The following PDE7B variants were observed in gnomAD, a reference collection of about 807,000 sequenced individuals.
The protein encoded by PDE7B is 3',5'-cyclic-AMP phosphodiesterase 7B.
PDE7B carries 29 observed loss-of-function variants against 56.2 expected under a neutral mutation model. That is an observed-to-expected ratio of 0.52 (90% confidence interval 0.38 to 0.70). The LOEUF (loss-of-function observed/expected upper bound fraction) is 0.70, where lower values mean the gene tolerates loss of function less well. PDE7B is among the 30% of genes least tolerant of loss of function. PDE7B has a pLI of 0.00. For missense variants in PDE7B, 490 were observed against 565.0 expected, an observed-to-expected ratio of 0.87 and a Z score of 1.35; for synonymous variants, 197 against 196.9, an observed-to-expected ratio of 1.00 and a Z score of 0.00.
chr6:136,065,106 C>T (rs1437376111), intron 2 of PDE7B, among the ~76,000 whole-genome samples: 1 of 152,176 alleles, frequency 6.6e-6, no homozygotes, highest in Non-Finnish European at 1.5e-5. Flanking sequence ...TTGAACCTCT[C>T]TGGGACTAGC....
At chr6:136,031,932 C>G (rs9402787) in intron 2 of PDE7B, among the ~76,000 whole-genome samples, 50,739 of 152,002 alleles carry the variant, frequency 0.33, 8,828 homozygotes, top group Admixed American at 0.43. Context: ...CTCTCCTCCA[C>G]TCTCCCTGAG....
At chr6:136,096,988 T>G (rs1332408357) in intron 2 of PDE7B, among the ~76,000 whole-genome samples, 1 of 152,158 alleles carries the variant, frequency 6.6e-6, no homozygotes, top group Non-Finnish European at 1.5e-5. Context: ...AACCTCTCCC[T>G]TGCTCTTGAA....
chr6:136,130,963 A>G (rs1285133024), intron 3 of PDE7B, among the ~76,000 whole-genome samples: 1 of 152,090 alleles, frequency 6.6e-6, no homozygotes, highest in African/African-American at 2.4e-5. Context: ...TGATTCAATT[A>G]TCTCCCACCG....
At chr6:135,971,778 C>T (rs1190997133) in intron 2 of PDE7B, among the ~76,000 whole-genome samples, 1 of 152,170 alleles carries the variant, frequency 6.6e-6, no homozygotes, top group Non-Finnish European at 1.5e-5. Flanking sequence ...CACCTATCCA[C>T]CAGGCTGCTG....
intron 2 of PDE7B, among the ~76,000 whole-genome samples, chr6:135,953,653 T>C (rs1774739723): frequency 6.6e-6 from 1 of 152,186 alleles, no homozygotes. Context: ...AGTAGTATTT[T>C]TATAGCAAAC....
At chr6:136,039,964 T>C (rs1232396986) in intron 2 of PDE7B, among the ~76,000 whole-genome samples, 1 of 152,258 alleles carries the variant, frequency 6.6e-6, no homozygotes, top group Non-Finnish European at 1.5e-5. Flanking sequence ...TCAATAGTTG[T>C]TAGCATGTCT....
chr6:136,169,757 A>G (rs543188731), intron 8 of PDE7B, among the ~76,000 whole-genome samples: 3 of 152,204 alleles, frequency 2.0e-5, no homozygotes, highest in Non-Finnish European at 4.4e-5. Context: ...AAATCTTTTC[A>G]ATCAAAACAA....
chr6:136,046,664 A>C (rs1020889048), intron 2 of PDE7B, among the ~76,000 whole-genome samples: 1 of 152,162 alleles, frequency 6.6e-6, no homozygotes, highest in African/African-American at 2.4e-5. Flanking sequence ...AGACTTTGCA[A>C]CTGTCTCTTT....
At chr6:135,951,025 A>C (rs1340329510) in intron 2 of PDE7B, among the ~76,000 whole-genome samples, 1 of 152,164 alleles carries the variant, frequency 6.6e-6, no homozygotes, top group African/African-American at 2.4e-5. Flanking sequence ...GTTGGATATG[A>C]AGGTAAATAC....
At chr6:136,102,427 T>A (rs1777578212) in intron 2 of PDE7B, among the ~76,000 whole-genome samples, 1 of 152,194 alleles carries the variant, frequency 6.6e-6, no homozygotes, top group African/African-American at 2.4e-5. Context: ...CGAACTTTGC[T>A]TGGTGGAAAT....
intron 2 of PDE7B, among the ~76,000 whole-genome samples, chr6:136,032,557 A>T (rs1052512165): frequency 6.6e-6 from 1 of 152,162 alleles, no homozygotes; most frequent in African/African-American, 2.4e-5. Flanking sequence ...CTTCTGCCAC[A>T]GGTCACTCCC....
At chr6:136,111,935 A>AT (rs889277000) in intron 3 of PDE7B, among the ~76,000 whole-genome samples, 3 of 152,032 alleles carry the variant, frequency 2.0e-5, no homozygotes, top group Non-Finnish European at 4.4e-5. Flanking sequence ...CTAATCTAGG[A>AT]TTTTTTTAAA....
chr6:136,185,265 G>A, intron 11 of PDE7B, among the ~76,000 whole-genome samples: 1 of 152,118 alleles, frequency 6.6e-6, no homozygotes. Context: ...CAGAACTGCA[G>A]CCTCTGTAGG....
chr6:136,185,698 A>T (rs1238327117), intron 11 of PDE7B, among the ~76,000 whole-genome samples: 1 of 152,092 alleles, frequency 6.6e-6, no homozygotes, highest in Non-Finnish European at 1.5e-5. Flanking sequence ...TCAAGCGTTC[A>T]AGGGTGCAGT....
chr6:136,146,230 T>C (rs1778410770), intron 3 of PDE7B, among the ~76,000 whole-genome samples: 1 of 152,220 alleles, frequency 6.6e-6, no homozygotes, highest in Non-Finnish European at 1.5e-5. Flanking sequence ...GTACATTTCC[T>C]ACTAGACTGT....
chr6:136,112,381 G>A (rs1450557300), intron 3 of PDE7B: 1 of 152,096 alleles, frequency 6.6e-6, no homozygotes, highest in African/African-American at 2.4e-5. Flanking sequence ...ATATTGCTAT[G>A]CCCATTTGTT....
intron 2 of PDE7B, among the ~76,000 whole-genome samples, chr6:136,077,137 G>T (rs1246526248): frequency 6.6e-6 from 1 of 152,030 alleles, no homozygotes; most frequent in East Asian, 1.9e-4. Flanking sequence ...GGAAGAGAGA[G>T]CATCTAGCAC....
chr6:135,939,039 G>A (rs779614869), intron 1 of PDE7B, among the ~76,000 whole-genome samples: 2 of 152,302 alleles, frequency 1.3e-5, no homozygotes, highest in South Asian at 2.1e-4. Flanking sequence ...GAAAGCATAC[G>A]CCATTGAGCT....
chr6:136,002,338 T>C (rs1775686013), intron 2 of PDE7B, among the ~76,000 whole-genome samples: 1 of 152,074 alleles, frequency 6.6e-6, no homozygotes, highest in African/African-American at 2.4e-5. Context: ...AGGATCAAAT[T>C]CACACATAAC....
Sources: allele counts gnomAD v4.1 joint callset (sites outside exome capture counted in the v4.1 genomes callset), GRCh38; gene constraint gnomAD v4.1.1; transcripts MANE v1.5; gene names NCBI Gene and HGNC (gene_info 2026-07-23, HGNC 2026-07-21).